The following SORCS1 variants were observed in gnomAD, a reference collection of about 807,000 sequenced individuals.
SORCS1 encodes the protein VPS10 domain-containing receptor SorCS1.
SORCS1 carries 60 observed loss-of-function variants against 146.1 expected under a neutral mutation model. The ratio of observed to expected loss-of-function variants is 0.41; its 90% CI spans 0.33 to 0.51. SORCS1 has a LOEUF of 0.51. SORCS1 is among the 20% of genes least tolerant of loss of function. The pLI is 0.21. For synonymous variants in SORCS1, 637 were observed against 584.0 expected, an observed-to-expected ratio of 1.09 and a Z score of -1.31; for missense variants, 1,352 against 1,487.6, an observed-to-expected ratio of 0.91 and a Z score of 1.50.
intron 1 of SORCS1, among the ~76,000 whole-genome samples, chr10:107,144,189 T>G (rs1968098818): frequency 6.6e-6 from 1 of 152,214 alleles, no homozygotes; most frequent in African/African-American, 2.4e-5. Flanking sequence ...AAACCTTTGC[T>G]GATACCCTCA....
At chr10:106,625,778 T>C (rs1429418080) in intron 19 of SORCS1, among the ~76,000 whole-genome samples, 1 of 152,188 alleles carries the variant, frequency 6.6e-6, no homozygotes, top group Non-Finnish European at 1.5e-5. Flanking sequence ...TTGTCCCCAA[T>C]TTCTGTTCTG....
chr10:106,587,373 G>T (rs1486061294), intron 24 of SORCS1, among the ~76,000 whole-genome samples: 1 of 152,188 alleles, frequency 6.6e-6, no homozygotes, highest in African/African-American at 2.4e-5. Flanking sequence ...TCACTTTACA[G>T]TTCAGAGTTC....
rs573119978 is a variant in SORCS1 at position 106,625,480 on chromosome 10, G to A, written c.2662+3722C>T. ...AGCAGATTATGATGCCATACTTCCAGGAATCCTAATTCAGTGGGTCTGGGA... is the reference window on the plus strand; with the variant it reads ...AGCAGATTATGATGCCATACTTCCAAGAATCCTAATTCAGTGGGTCTGGGA... On this transcript the variant is annotated intron_variant, in intron 19 of 25. Coordinates refer to ENST00000263054, the MANE Select transcript of SORCS1 (RefSeq NM_052918.5). Among the ~76,000 whole-genome samples the A allele has an allele frequency of 3.9e-5, 6 of 152,172 alleles. No individual in the cohort carries two copies. In the East Asian group the frequency reaches 1.2e-3, roughly 29 times the overall value.
At chr10:106,730,764 AT>A (rs565943924) in intron 5 of SORCS1, among the ~76,000 whole-genome samples, 228 of 152,320 alleles carry the variant, frequency 1.5e-3, no homozygotes, top group African/African-American at 5.0e-3. Context: ...GCTATATTAA[AT>A]AGAAAATAAT....
intron 2 of SORCS1, among the ~76,000 whole-genome samples, chr10:106,900,933 T>C (rs967125079): frequency 5.3e-5 from 8 of 152,198 alleles, no homozygotes; most frequent in African/African-American, 1.7e-4. Context: ...CATAAACTTG[T>C]CTGCATATTT....
At chr10:106,875,912 G>A (rs985923000) in intron 2 of SORCS1, among the ~76,000 whole-genome samples, 1 of 151,896 alleles carries the variant, frequency 6.6e-6, no homozygotes, top group African/African-American at 2.4e-5. Context: ...CTTGGACTAG[G>A]GACTTATGCT....
rs549830525 is a variant in SORCS1, at chr10:107,053,118, C to T, written c.559-96538G>A. 3.3e-5 allele frequency among the ~76,000 whole-genome samples: 5 copies of T among 152,274 alleles called. No individual in the cohort carries two copies. In the South Asian group the frequency reaches 6.2e-4, roughly 19 times the overall value. Reference sequence around the variant, plus strand: ...ACAGTCCAAAACCATGCTTTTCCCTCGCTTATAGCCACTCAATTATTTCAC... The same window carrying T: ...ACAGTCCAAAACCATGCTTTTCCCTTGCTTATAGCCACTCAATTATTTCAC... On this transcript the variant is annotated intron_variant, in intron 1 of 25. Coordinates refer to ENST00000263054, the MANE Select transcript of SORCS1 (RefSeq NM_052918.5).
the SORCS1 span, among the ~76,000 whole-genome samples, chr10:107,172,194 G>T: frequency 6.6e-6 from 1 of 152,124 alleles, no homozygotes; most frequent in East Asian, 1.9e-4. Context: ...GATACTTCTA[G>T]ATTTTAGTAG....
At chr10:107,127,340 A>G (rs1357854735) in intron 1 of SORCS1, among the ~76,000 whole-genome samples, 1 of 151,832 alleles carries the variant, frequency 6.6e-6, no homozygotes, top group Non-Finnish European at 1.5e-5. Context: ...TGAAATTCCA[A>G]TTTTCCAGGA....
At chr10:106,724,433 G>T (rs1197349470) in intron 6 of SORCS1, among the ~76,000 whole-genome samples, 4 of 151,734 alleles carry the variant, frequency 2.6e-5, no homozygotes, top group Admixed American at 2.6e-4. Context: ...AACCCAGGAG[G>T]TGGAGGTTGC....
At chr10:107,044,803 TTG>T (rs1267913764) in intron 1 of SORCS1, among the ~76,000 whole-genome samples, 1 of 138,096 alleles carries the variant, frequency 7.2e-6, no homozygotes, top group Non-Finnish European at 1.5e-5. Context: ...CAGAGTGAGA[TTG>T]TGTCTCAATA....
intron 3 of SORCS1, among the ~76,000 whole-genome samples, chr10:106,806,733 T>A (rs571468259): frequency 6.6e-6 from 1 of 151,714 alleles, no homozygotes; most frequent in African/African-American, 2.4e-5. Context: ...GCCAGGATGG[T>A]CTCCACCTCC....
intron 24 of SORCS1, among the ~76,000 whole-genome samples, chr10:106,588,860 CAAAAAAAAAAAAAAAAA>C (rs778852501): frequency 3.7e-4 from 13 of 35,116 alleles, no homozygotes; most frequent in South Asian, 1.3e-3. Flanking sequence ...GACTCCATCT[CAAAAAAAAAAAAAAAAA>C]AAAAAAAAAA....
chr10:106,663,847 A>G lies in SORCS1; in HGVS notation c.2303+3842T>C, dbSNP rs138055280. Among the ~76,000 whole-genome samples the G allele has an allele frequency of 2.6e-5, 4 of 152,330 alleles. No individual in the cohort carries two copies. The East Asian group carries it at 7.7e-4, about 29-fold the overall frequency. On this transcript the variant is annotated intron_variant, in intron 17 of 25. Transcript: ENST00000263054. Reference sequence around the variant, plus strand: ...AGACAACATGCTGATCAGTGGGGTTATTATTGACAACCACTCCCGTGACTT... The same window carrying G: ...AGACAACATGCTGATCAGTGGGGTTGTTATTGACAACCACTCCCGTGACTT...
intron 22 of SORCS1, among the ~76,000 whole-genome samples, chr10:106,607,964 A>G (rs1171640752): frequency 2.6e-5 from 4 of 151,898 alleles, no homozygotes; most frequent in Admixed American, 6.6e-5. Flanking sequence ...GGCCACACTG[A>G]CTCTTCTGTT....
At chr10:106,770,415 T>G (rs1859928651) in intron 4 of SORCS1, among the ~76,000 whole-genome samples, 1 of 151,030 alleles carries the variant, frequency 6.6e-6, no homozygotes, top group African/African-American at 2.4e-5. Context: ...CAAACTGTCC[T>G]AAAAGTTTTA....
chr10:106,638,350 T>C (rs1394973217), intron 18 of SORCS1, among the ~76,000 whole-genome samples: 1 of 151,822 alleles, frequency 6.6e-6, no homozygotes, highest in Non-Finnish European at 1.5e-5. Context: ...GGTTTCCTAG[T>C]AGTAAAATAT....
chr10:107,146,581 C>T (rs1401685510), intron 1 of SORCS1, among the ~76,000 whole-genome samples: 1 of 152,076 alleles, frequency 6.6e-6, no homozygotes, highest in East Asian at 1.9e-4. Flanking sequence ...AGGTATACAC[C>T]AGGTATCCAA....
chr10:107,005,610 A>T (rs1260245782), intron 1 of SORCS1, among the ~76,000 whole-genome samples: 1 of 152,228 alleles, frequency 6.6e-6, no homozygotes, highest in East Asian at 1.9e-4. Context: ...AATAAATGTT[A>T]ACATAATTAT....
Sources: allele counts gnomAD v4.1 joint callset (sites outside exome capture counted in the v4.1 genomes callset), GRCh38; gene constraint gnomAD v4.1.1; transcripts MANE v1.5; gene names NCBI Gene and HGNC (gene_info 2026-07-23, HGNC 2026-07-21).